SPTY2D1: variants seen among roughly 807,000 people sequenced by gnomAD.
SPTY2D1 encodes the protein SPT2 chromatin protein domain containing 1.
SPTY2D1 carries 21 observed loss-of-function variants against 64.0 expected under a neutral mutation model. The observed-to-expected ratio is 0.33, with a 90% confidence interval of 0.23 to 0.47. The LOEUF (loss-of-function observed/expected upper bound fraction) is 0.47. SPTY2D1 is among the 20% of genes least tolerant of loss of function. SPTY2D1 has a pLI of 1.00. For synonymous variants in SPTY2D1, 287 were observed against 286.8 expected (o/e 1.00, Z -0.01); for missense variants, 724 against 837.2 (o/e 0.86, Z 1.67).
chr11:18,621,808 C>T (rs1854409295), intron 1 of SPTY2D1, among the ~76,000 whole-genome samples: 1 of 152,066 alleles, frequency 6.6e-6, no homozygotes, highest in Non-Finnish European at 1.5e-5. Context: ...GTACTCAGGT[C>T]AGGCATAGTG....
intron 1 of SPTY2D1, among the ~76,000 whole-genome samples, chr11:18,630,441 C>T (rs925915269): frequency 6.6e-6 from 1 of 152,212 alleles, no homozygotes; most frequent in Admixed American, 6.5e-5. Flanking sequence ...CGCCACTGCA[C>T]TCCAGCCTGG....
rs769169634 is a variant in SPTY2D1, at chr11:18,608,212, T to C, written c.*1649A>G. On this transcript the variant is annotated 3_prime_UTR_variant, in exon 6 of 6. Coordinates refer to ENST00000336349, the MANE Select transcript of SPTY2D1 (RefSeq NM_194285.3). ...CAAAGGGTGTTATTCCTAGTGATGATGACACCTTTCATGGGATTCAACTTA... is the reference window on the plus strand; with the variant it reads ...CAAAGGGTGTTATTCCTAGTGATGACGACACCTTTCATGGGATTCAACTTA... 23 of 152,766 alleles carry C rather than the reference T, an allele frequency of 1.5e-4. No individual in the cohort carries two copies. Among genetic ancestry groups the C allele is most frequent in the Non-Finnish European group, 2.6e-4 (18 of 68,038 alleles). 9.5% of individuals were successfully genotyped at this position (152,766 alleles called of 1,614,324 possible).
At chr11:18,621,377 A>AAAGAAAATAAAAGAAAAGAAAAGAT (rs1854401746) in intron 1 of SPTY2D1, among the ~76,000 whole-genome samples, 1 of 148,934 alleles carries the variant, frequency 6.7e-6, no homozygotes, top group Non-Finnish European at 1.5e-5. Context: ...AAAGAAAAGA[A>AAAGAAAATAAAAGAAAAGAAAAGAT]ACACTGACTT....
At chr11:18,633,711 C>A (rs1407728112) in intron 1 of SPTY2D1, among the ~76,000 whole-genome samples, 1 of 152,086 alleles carries the variant, frequency 6.6e-6, no homozygotes, top group Non-Finnish European at 1.5e-5. Flanking sequence ...GTGGGTGGGG[C>A]CGAGTCAGAG....
chr11:18,609,865 C>T lies in SPTY2D1; in HGVS notation c.2054G>A (p.Arg685His), dbSNP rs147336850. The change falls in exon 6 of 6, where the codon CGT becomes CAT. Residue 685 changes from arginine to histidine, a missense_variant. This residue lies in a region of SPTY2D1 where 119 missense variants were observed against 172.9 expected (regional missense o/e 0.69). Transcript: ENST00000336349. ...QRRRAKKLKR[R>H] ...TCACAAAAATAAAAGCAGCAGCTAA[C>T]GCCTCTTCAGCTTCTTGGCCCTTCG... The T allele has an allele frequency of 2.2e-4, 352 of 1,614,050 alleles. No homozygotes were observed. Among genetic ancestry groups the T allele is most frequent in the Admixed American group, 6.0e-4 (36 of 59,990 alleles).
At chr11:18,610,143 G>A (rs564342089) in intron 5 of SPTY2D1, 189 bp from the exon 6 acceptor site, 65 of 492,990 alleles carry the variant, frequency 1.3e-4, no homozygotes, top group Middle Eastern at 5.4e-4. Flanking sequence ...TCAAATTGTC[G>A]TGGGAAAAAG....
intron 1 of SPTY2D1, among the ~76,000 whole-genome samples, chr11:18,632,943 A>C (rs1590407872): frequency 6.6e-6 from 1 of 152,314 alleles, no homozygotes; most frequent in East Asian, 1.9e-4. Context: ...TACTAGACCC[A>C]ATATTGATTC....
intron 5 of SPTY2D1, 80 bp downstream of exon 5, chr11:18,611,397 C>T: frequency 7.6e-7 from 1 of 1,317,206 alleles, no homozygotes; most frequent in East Asian, 2.3e-5. Flanking sequence ...AGCCCCAGTT[C>T]CCAATGGTGC....
intron 1 of SPTY2D1, among the ~76,000 whole-genome samples, chr11:18,619,771 A>G (rs760003775): frequency 2.6e-5 from 4 of 152,096 alleles, no homozygotes; most frequent in Non-Finnish European, 5.9e-5. Flanking sequence ...ACAAAAAACA[A>G]AAATTTCCTG....
At chr11:18,634,079 CG>C in intron 1 of SPTY2D1, 118 bp downstream of exon 1, 1 of 1,077,370 alleles carries the variant, frequency 9.3e-7, no homozygotes, top group Non-Finnish European at 1.4e-6. Context: ...GGAAATAAGG[CG>C]TCCGGGTCTT....
At position 18,609,677 on chromosome 11, in the gene SPTY2D1, T is replaced by A; in HGVS notation, c.*184A>T. 1 of 610,066 alleles carries A rather than the reference T, an allele frequency of 1.6e-6. No individual in the cohort carries two copies. Among genetic ancestry groups the A allele is most frequent in the South Asian group, 2.0e-5 (1 of 49,832 alleles). The allele number at this position is 610,066 out of a possible 1,614,324, so 37.8% of individuals were successfully genotyped here. A position where few individuals can be genotyped will look rare whatever the true frequency, so the allele number is the denominator to read the frequency against. The stretch of plus-strand genomic sequence containing the variant: ...GCATTATATCATCTGCATTACAGAT[T>A]TCACCCTGGAAAATATCTGAAAATA... On this transcript the variant is annotated 3_prime_UTR_variant, in exon 6 of 6. Transcript: ENST00000336349.
At chr11:18,622,665 A>T (rs1854432301) in intron 1 of SPTY2D1, among the ~76,000 whole-genome samples, 1 of 152,106 alleles carries the variant, frequency 6.6e-6, no homozygotes, top group African/African-American at 2.4e-5. Flanking sequence ...GTAAGAAAAA[A>T]TTCCGGCTGG....
At position 18,615,126 on chromosome 11, in the gene SPTY2D1, C is replaced by T. The variant is rs368378808; in HGVS notation, c.1148G>A (p.Ser383Asn). 8.1e-6 allele frequency: 13 copies of T among 1,614,202 alleles called. No individual in the cohort carries two copies. Among genetic ancestry groups the T allele is most frequent in the Non-Finnish European group, 1.0e-5 (12 of 1,180,050 alleles). Residue 383 changes from serine (S) to asparagine (N), a missense_variant, in exon 3 of 6, where the codon AGC (serine) becomes AAC (asparagine). Coordinates refer to ENST00000336349, the MANE Select transcript of SPTY2D1 (RefSeq NM_194285.3). ...AACTGTGGGTCGAGCAACCCCTGTG[C>T]TGGGCTGCCCAGGGGCTGAGCTAGA... ...SSSSSAPGQP[S>N]TGVARPTVSS...
intron 1 of SPTY2D1, among the ~76,000 whole-genome samples, chr11:18,617,457 C>G (rs1401540055): frequency 6.6e-6 from 1 of 150,476 alleles, no homozygotes; most frequent in Admixed American, 6.6e-5. Flanking sequence ...AAACCCCATT[C>G]CTACTAAAAA....
chr11:18,628,141 C>T (rs1246297812), intron 1 of SPTY2D1, among the ~76,000 whole-genome samples: 2 of 152,210 alleles, frequency 1.3e-5, no homozygotes, highest in Admixed American at 6.5e-5. Flanking sequence ...AAAAGAAACA[C>T]TGCCTACTAC....
intron 1 of SPTY2D1, among the ~76,000 whole-genome samples, chr11:18,621,323 C>CAGAAGAGAAAAGAAAAGAAA (rs1854392659): frequency 7.3e-6 from 1 of 137,540 alleles, no homozygotes; most frequent in Non-Finnish European, 1.5e-5. Flanking sequence ...TCTCAAAAAA[C>CAGAAGAGAAAAGAAAAGAAA]AGAAAAGAAA....
rs1256949554 is a variant in SPTY2D1 at position 18,608,945 on chromosome 11, T to C, written c.*916A>G. 6.7e-6 allele frequency: 1 copy of C among 149,686 alleles called. No individual in the cohort carries two copies. The highest frequency in any genetic ancestry group is 1.9e-4 in the East Asian group (1 of 5,192). 9.3% of individuals were successfully genotyped at this position (149,686 alleles called of 1,614,324 possible). On this transcript the variant is annotated 3_prime_UTR_variant, in exon 6 of 6. Transcript: ENST00000336349. ...ATGAAGTCATTAATGTCAAGAGGTA[T>C]GAGGGCACCTTGGGATTTCAAAATA...
intron 1 of SPTY2D1, among the ~76,000 whole-genome samples, chr11:18,630,042 G>A (rs559469084): frequency 9.9e-5 from 15 of 151,846 alleles, no homozygotes; most frequent in African/African-American, 3.4e-4. Context: ...GGTGGTGGGT[G>A]CCTGTAATCC....
chr11:18,616,044 T>A lies in SPTY2D1; in HGVS notation c.230A>T (p.Lys77Ile), dbSNP rs1163732524. 6.2e-7 allele frequency: 1 copy of A among 1,613,336 alleles called. No homozygotes were observed. Among genetic ancestry groups the A allele is most frequent in the East Asian group, 2.2e-5 (1 of 44,898 alleles). Residue 77 changes from lysine to isoleucine, a missense_variant, in exon 3 of 6, where the codon AAA (lysine) becomes ATA (isoleucine). Around this residue, in one of 3 missense-constraint regions of SPTY2D1, gnomAD observed 179 missense variants for 232.5 expected, o/e 0.77. Coordinates refer to ENST00000336349, the MANE Select transcript of SPTY2D1 (RefSeq NM_194285.3). Reference protein sequence around the residue: ...EELVKKRIELKHDKKARAMAK... With the variant: ...EELVKKRIELIHDKKARAMAK... ...CATAGCTCTTGCTTTCTTGTCATGT[T>A]TGAGCTCAATTCGCTTTTTCACTAG...
Sources: allele counts gnomAD v4.1 joint callset (sites outside exome capture counted in the v4.1 genomes callset), GRCh38; gene constraint gnomAD v4.1.1; regional missense constraint gnomAD v4.1.1; transcripts MANE v1.5; gene names NCBI Gene and HGNC (gene_info 2026-07-23, HGNC 2026-07-21).